The following ANKRD30B variants were observed in gnomAD, a reference collection of about 807,000 sequenced individuals.
ANKRD30B encodes the protein ankyrin repeat domain 30B.
ANKRD30B carries 144 observed loss-of-function variants against 202.2 expected under a neutral mutation model. The ratio of observed to expected loss-of-function variants is 0.71; its 90% confidence interval spans 0.62 to 0.82. The LOEUF (loss-of-function observed/expected upper bound fraction) is 0.82. Ranked by LOEUF, ANKRD30B falls within the 40% of genes least tolerant of loss-of-function variation. The probability of loss-of-function intolerance (pLI) is 0.00; values close to 1 mark genes in which losing one functional copy is unlikely to be tolerated. For missense variants in ANKRD30B, 1,487 were observed against 1,669.1 expected, an observed-to-expected ratio of 0.89 and a Z score of 1.90; for synonymous variants, 508 against 561.3, an observed-to-expected ratio of 0.91 and a Z score of 1.34.
the ANKRD30B span, among the ~76,000 whole-genome samples, chr18:14,926,923 TTGTGTGTGTG>T: frequency 1.7e-4 from 25 of 147,770 alleles, no homozygotes; most frequent in Admixed American, 4.1e-4. Context: ...TGAGCAAGGG[TTGTGTGTGTG>T]TGTGTGTGTG....
chr18:14,913,181 T>G, the ANKRD30B span, among the ~76,000 whole-genome samples: 2 of 152,262 alleles, frequency 1.3e-5, no homozygotes, highest in African/African-American at 4.8e-5. Context: ...TAAGTACCAA[T>G]TGAAGCTTTC....
At chr18:14,932,121 C>T in the ANKRD30B span, among the ~76,000 whole-genome samples, 1 of 149,680 alleles carries the variant, frequency 6.7e-6, no homozygotes, top group Admixed American at 6.7e-5. Flanking sequence ...GTACATTTCA[C>T]TGATAGAATT....
At chr18:14,937,613 A>C in the ANKRD30B span, among the ~76,000 whole-genome samples, 1 of 151,692 alleles carries the variant, frequency 6.6e-6, no homozygotes, top group Admixed American at 6.6e-5. Flanking sequence ...GGGTGTTGCC[A>C]GGTTCCTCGA....
At chr18:14,866,980 G>A in the ANKRD30B span, among the ~76,000 whole-genome samples, 34 of 150,766 alleles carry the variant, frequency 2.3e-4, no homozygotes, top group Non-Finnish European at 4.0e-4. Flanking sequence ...AGGCAGTCCG[G>A]GGGTGCTTTA....
At chr18:14,799,784 A>T (rs1290976767) in intron 22 of ANKRD30B, among the ~76,000 whole-genome samples, 1 of 151,954 alleles carries the variant, frequency 6.6e-6, no homozygotes, top group African/African-American at 2.4e-5. Context: ...TTTAAAAATC[A>T]TTACTTGATG....
At chr18:14,819,503 G>A (rs565762890) in intron 30 of ANKRD30B, among the ~76,000 whole-genome samples, 12 of 151,890 alleles carry the variant, frequency 7.9e-5, no homozygotes, top group Admixed American at 1.3e-4. Context: ...TAGGTCTAAC[G>A]TTTAAGTCTT....
chr18:14,803,668 A>G (rs764938417), intron 23 of ANKRD30B, 66 bp from the exon 24 acceptor site: 1 of 1,483,448 alleles, frequency 6.7e-7, no homozygotes, highest in South Asian at 1.2e-5. Flanking sequence ...TTAATTAGGA[A>G]CTTTTGATAC....
At chr18:14,848,950 A>G (rs748733876) in intron 40 of ANKRD30B, 21 bp downstream of exon 40, 95 of 1,482,482 alleles carry the variant, frequency 6.4e-5, no homozygotes, top group Non-Finnish European at 8.2e-5. Context: ...CTAGTTTTAA[A>G]TAAATATTTC....
chr18:14,796,955 A>G (rs1453477547), intron 18 of ANKRD30B, among the ~76,000 whole-genome samples: 1 of 152,232 alleles, frequency 6.6e-6, no homozygotes, highest in Admixed American at 6.5e-5. Context: ...TAGTGTGTGC[A>G]TCGGTAATTT....
chr18:14,751,580 T>C (rs1319132600), intron 1 of ANKRD30B, among the ~76,000 whole-genome samples: 1 of 152,128 alleles, frequency 6.6e-6, no homozygotes, highest in East Asian at 1.9e-4. Flanking sequence ...TAAATAGTAA[T>C]ATTAATCATC....
At chr18:14,833,527 A>G (rs904891724) in intron 34 of ANKRD30B, among the ~76,000 whole-genome samples, 2 of 152,232 alleles carry the variant, frequency 1.3e-5, no homozygotes, top group Non-Finnish European at 2.9e-5. Context: ...TCTGATTACC[A>G]ATACTTTCTT....
intron 6 of ANKRD30B, among the ~76,000 whole-genome samples, chr18:14,762,170 G>A (rs1329534850): frequency 2.6e-5 from 4 of 152,156 alleles, no homozygotes; most frequent in African/African-American, 9.7e-5. Flanking sequence ...GTCTGATAAG[G>A]AGAAGGCAGA....
At chr18:14,868,402 G>T in the ANKRD30B span, among the ~76,000 whole-genome samples, 1 of 152,288 alleles carries the variant, frequency 6.6e-6, no homozygotes, top group Admixed American at 6.5e-5. Flanking sequence ...GTTCTTAACA[G>T]AATTTAGGGG....
chr18:14,895,765 G>A, the ANKRD30B span, among the ~76,000 whole-genome samples: 3 of 152,288 alleles, frequency 2.0e-5, no homozygotes, highest in East Asian at 5.8e-4. Flanking sequence ...AAAGAAACCA[G>A]TCTGAAAAAG....
chr18:14,881,935 G>A, the ANKRD30B span, among the ~76,000 whole-genome samples: 3 of 151,992 alleles, frequency 2.0e-5, no homozygotes, highest in Non-Finnish European at 4.4e-5. Context: ...TATTTCAGTG[G>A]TGTCAGTTGT....
chr18:14,810,096 A>G lies in ANKRD30B; in HGVS notation c.2416-12A>G, dbSNP rs766153561. On this transcript the variant is annotated splice_polypyrimidine_tract_variant and intron_variant, in intron 27 of 43. Coordinates refer to ENST00000690538, the MANE Select transcript of ANKRD30B (RefSeq NM_001367607.2). The stretch of plus-strand genomic sequence containing the variant: ...ATTATCTATTAATTTTTGTGTTTCC[A>G]AACCCATTTAGCCTACCTGTGTAAG... The G allele has an allele frequency of 5.1e-5, 76 of 1,501,492 alleles. No individual in the cohort carries two copies. The highest frequency in any genetic ancestry group is 6.2e-5 in the Non-Finnish European group (68 of 1,101,098). The allele number at this position is 1,501,492 out of a possible 1,614,324, so 93.0% of individuals were successfully genotyped here.
chr18:14,807,634 T>G (rs1387233878), intron 24 of ANKRD30B, among the ~76,000 whole-genome samples: 2 of 148,626 alleles, frequency 1.3e-5, no homozygotes, highest in Non-Finnish European at 3.0e-5. Context: ...TGGGTTCAAG[T>G]GATTCTCACA....
chr18:14,888,190 A>C, the ANKRD30B span, among the ~76,000 whole-genome samples: 10 of 151,900 alleles, frequency 6.6e-5, no homozygotes, highest in African/African-American at 2.4e-4. Context: ...ATTAGAGTTT[A>C]AGTAGATTAT....
intron 16 of ANKRD30B, among the ~76,000 whole-genome samples, chr18:14,794,644 C>A (rs574936763): frequency 6.6e-6 from 1 of 152,102 alleles, no homozygotes; most frequent in Non-Finnish European, 1.5e-5. Context: ...GTAATTAAAG[C>A]GGGTTTTTAT....
Sources: allele counts gnomAD v4.1 joint callset (sites outside exome capture counted in the v4.1 genomes callset), GRCh38; gene constraint gnomAD v4.1.1; transcripts MANE v1.5; gene names NCBI Gene and HGNC (gene_info 2026-07-23, HGNC 2026-07-21).